KMT2C: variants seen among roughly 807,000 people sequenced by gnomAD.
The protein encoded by KMT2C is histone-lysine N-methyltransferase 2C.
In KMT2C, 88 loss-of-function variants were observed where a neutral mutation model predicts 507.9. The observed-to-expected ratio is 0.17, with a 90% CI of 0.15 to 0.21. KMT2C has a LOEUF of 0.21. Ranked by LOEUF, KMT2C falls within the 10% of genes least tolerant of loss-of-function variation. The pLI is 1.00. For missense variants in KMT2C, 4,954 were observed against 5,957.8 expected, an observed-to-expected ratio of 0.83 and a Z score of 5.55; for synonymous variants, 2,049 against 2,080.8, an observed-to-expected ratio of 0.98 and a Z score of 0.42.
chr7:152,202,990 T>TCAGTG lies in KMT2C; in HGVS notation c.4035_4036insCACTG (p.Lys1346HisfsTer2). The stretch of plus-strand genomic sequence containing the variant: ...TTATTTTTCCTTTTTCGGTATCTCT[T>TCAGTG]CTTTATTTTTTCAGTGCTTTCAGTA... On this transcript the variant is annotated frameshift_variant, in exon 26 of 59. Transcript: ENST00000262189. LOFTEE classifies it high-confidence loss of function. 1 of 1,610,588 alleles carries TCAGTG rather than the reference T, an allele frequency of 6.2e-7. No homozygotes were observed. Among genetic ancestry groups the TCAGTG allele is most frequent in the Admixed American group, 1.7e-5 (1 of 59,818 alleles).
chr7:152,263,059 T>C lies in KMT2C; in HGVS notation c.1256A>G (p.Gln419Arg), dbSNP rs2129172449. 1 of 1,613,056 alleles carries C rather than the reference T, an allele frequency of 6.2e-7. No individual in the cohort carries two copies. Among genetic ancestry groups the C allele is most frequent in the Non-Finnish European group, 8.5e-7 (1 of 1,179,778 alleles). ...GGTTGGTACTGATTTCATAACTGGT[T>C]GAAGACAAAAAGTATGATACCCTTT... ...CDKGYHTFCL[Q>R]PVMKSVPTNG... The change falls in exon 9 of 59, where the codon CAA (glutamine) becomes CGA (arginine). Residue 419 changes from glutamine to arginine, a missense_variant. Around this residue, in one of 29 missense-constraint regions of KMT2C, gnomAD observed 14 missense variants for 23.2 expected, o/e 0.60. Transcript: ENST00000262189.
Position 152,334,359 on chromosome 7 carries a change from G to A in KMT2C, c.251-3620C>T, listed in dbSNP as rs148543935. ...CCCAGCTATTCAGAAGGCTGAGGCA[G>A]GAGAATTGCTTGAACTTGGGAGGCG... On this transcript the variant is annotated intron_variant, in intron 2 of 58. Coordinates refer to ENST00000262189, the MANE Select transcript of KMT2C (RefSeq NM_170606.3). Among the ~76,000 whole-genome samples, 1,516 of 152,302 alleles carry A rather than the reference G, an allele frequency of 1.0e-2. 38 individuals carry two copies. The highest frequency in any genetic ancestry group is 0.035 in the African/African-American group (1,457 of 41,560).
At chr7:152,434,667 A>C (rs1234807934) in intron 1 of KMT2C, among the ~76,000 whole-genome samples, 1 of 152,180 alleles carries the variant, frequency 6.6e-6, no homozygotes, top group African/African-American at 2.4e-5. Flanking sequence ...CACACGCGAG[A>C]GCCACAGAAG....
intron 25 of KMT2C, among the ~76,000 whole-genome samples, chr7:152,204,596 T>C (rs1207480821): frequency 2.2e-4 from 4 of 18,400 alleles, no homozygotes; most frequent in East Asian, 1.3e-3. Context: ...GACCCCTAGA[T>C]AGATAGATAG....
At chr7:152,289,384 A>G (rs1466501130) in intron 6 of KMT2C, among the ~76,000 whole-genome samples, 4 of 152,268 alleles carry the variant, frequency 2.6e-5, no homozygotes, top group Non-Finnish European at 5.9e-5. Flanking sequence ...GTCTTGATCC[A>G]TGAATACACA....
intron 24 of KMT2C, among the ~76,000 whole-genome samples, chr7:152,206,058 T>C (rs2094300152): frequency 3.3e-5 from 5 of 152,204 alleles, no homozygotes; most frequent in African/African-American, 1.2e-4. Flanking sequence ...GCTTACTAAA[T>C]ACTTCTCAAT....
intron 33 of KMT2C, among the ~76,000 whole-genome samples, chr7:152,187,036 G>A (rs576110539): frequency 4.6e-5 from 7 of 152,124 alleles, no homozygotes; most frequent in Middle Eastern, 3.4e-3. Context: ...GCTGAAAAAC[G>A]GACCATTTCA....
intron 16 of KMT2C, among the ~76,000 whole-genome samples, chr7:152,235,354 A>C (rs1195227943): frequency 1.3e-5 from 2 of 152,078 alleles, no homozygotes; most frequent in African/African-American, 4.8e-5. Context: ...TTTAGTAGTA[A>C]ACTTGAACAA....
rs1374599856 is a variant in KMT2C, at chr7:152,206,822, C to T, written c.3841+478G>A. On this transcript the variant is annotated intron_variant, in intron 24 of 58. Transcript: ENST00000262189. ...GTGTTTAATCAGTCATGGTTTTTAACTGGACTATAAATTCTAGGAGCCATA... is the reference window on the plus strand; with the variant it reads ...GTGTTTAATCAGTCATGGTTTTTAATTGGACTATAAATTCTAGGAGCCATA... 2.0e-5 allele frequency among the ~76,000 whole-genome samples: 3 copies of T among 152,284 alleles called. No homozygotes were observed. The East Asian group carries it at 5.8e-4, about 29-fold the overall frequency.
intron 6 of KMT2C, among the ~76,000 whole-genome samples, chr7:152,292,926 C>G (rs1028334378): frequency 4.6e-5 from 7 of 152,168 alleles, no homozygotes; most frequent in African/African-American, 1.7e-4. Context: ...CACCACTCTT[C>G]TAGTTTTCTG....
In KMT2C at chr7:152,182,831, T is replaced by G. The variant is rs2093478171; in HGVS notation, c.5265+143A>C. On this transcript the variant is annotated intron_variant, in intron 35 of 58. Coordinates refer to ENST00000262189, the MANE Select transcript of KMT2C (RefSeq NM_170606.3). ...TAAATTTCTCAAATCAATTTAAATA[T>G]ATTTTACTGAAAAGAGAAACAAGTC... 4.5e-6 allele frequency: 3 copies of G among 663,774 alleles called. No homozygotes were observed. In the South Asian group the frequency reaches 7.7e-5, roughly 17 times the overall value. The allele number at this position is 663,774 out of a possible 1,614,324, so 41.1% of individuals were successfully genotyped here.
intron 16 of KMT2C, among the ~76,000 whole-genome samples, chr7:152,233,743 T>C (rs1235549868): frequency 6.6e-6 from 1 of 152,216 alleles, no homozygotes; most frequent in African/African-American, 2.4e-5. Flanking sequence ...TCCTTTAATT[T>C]GTCAAGATAG....
chr7:152,249,928 T>C lies in KMT2C; in HGVS notation c.1761A>G (p.Gln587=), dbSNP rs1455670281. Residue 587 remains glutamine, a synonymous_variant, in exon 13 of 59, where the codon CAA becomes CAG. Coordinates refer to ENST00000262189, the MANE Select transcript of KMT2C (RefSeq NM_170606.3). The part of the protein sequence containing the change: ...PDAVQVHTEE[Q]QKSHPSESLD... ...GACTTTCTGAGGGATGACTCTTCTG[T>C]TGCTCTTCAGTGTGGACTTGAACCG... 5.0e-6 allele frequency: 8 copies of C among 1,611,044 alleles called. No homozygotes were observed. In the African/African-American group the frequency reaches 5.3e-5, roughly 11 times the overall value.
chr7:152,266,168 A>T (rs2095855215), intron 7 of KMT2C, among the ~76,000 whole-genome samples: 1 of 152,100 alleles, frequency 6.6e-6, no homozygotes, highest in Non-Finnish European at 1.5e-5. Context: ...TTTCCAGTCA[A>T]GCCTATCATA....
intron 28 of KMT2C, among the ~76,000 whole-genome samples, chr7:152,194,893 T>A (rs901114589): frequency 6.6e-6 from 1 of 151,462 alleles, no homozygotes; most frequent in African/African-American, 2.4e-5. Flanking sequence ...GAAATCGATA[T>A]GCAAATAATT....
At chr7:152,433,019 A>C (rs1227589207) in intron 1 of KMT2C, among the ~76,000 whole-genome samples, 1 of 152,078 alleles carries the variant, frequency 6.6e-6, no homozygotes, top group Non-Finnish European at 1.5e-5. Flanking sequence ...GCGATGGCGC[A>C]CACCTGTAAT....
At chr7:152,275,085 G>A (rs1252481697) in intron 6 of KMT2C, among the ~76,000 whole-genome samples, 1 of 152,084 alleles carries the variant, frequency 6.6e-6, no homozygotes, top group Admixed American at 6.5e-5. Context: ...TAATTAACCA[G>A]GGACTACAGT....
chr7:152,364,398 G>A (rs912775946), intron 1 of KMT2C, among the ~76,000 whole-genome samples: 7 of 152,044 alleles, frequency 4.6e-5, no homozygotes, highest in African/African-American at 1.4e-4. Context: ...ACAAGGTCAG[G>A]AGATCGAGAC....
chr7:152,157,567 C>T (rs1015481088), intron 44 of KMT2C, among the ~76,000 whole-genome samples: 14 of 152,076 alleles, frequency 9.2e-5, no homozygotes, highest in African/African-American at 3.1e-4. Context: ...TGTATTCTTA[C>T]CTATAAAAAC....
Sources: gnomAD v4.1 joint callset for allele counts (sites outside exome capture counted in the v4.1 genomes callset) on GRCh38, gnomAD v4.1.1 for gene constraint, gnomAD v4.1.1 regional missense constraint, MANE v1.5 for transcripts, NCBI Gene and HGNC (gene_info 2026-07-23, HGNC 2026-07-21) for gene names.